The following CACNA1A variants were observed in gnomAD, a reference collection of about 807,000 sequenced individuals.
CACNA1A encodes calcium voltage-gated channel subunit alpha1 A.
In CACNA1A, 57 loss-of-function variants were observed where a neutral mutation model predicts 262.4. That is an observed-to-expected ratio of 0.22 (90% CI 0.18 to 0.27). The LOEUF is 0.27. Among genes scored for constraint, CACNA1A ranks in the 10% least tolerant of loss-of-function variants. CACNA1A has a pLI of 1.00. For synonymous variants in CACNA1A, 1,431 were observed against 1,419.3 expected (o/e 1.01, Z -0.18); for missense variants, 2,526 against 3,562.8 (o/e 0.71, Z 7.41).
chr19:13,352,107 C>T (rs944275617), intron 6 of CACNA1A, among the ~76,000 whole-genome samples: 8 of 152,290 alleles, frequency 5.3e-5, no homozygotes, highest in Admixed American at 3.3e-4. Context: ...CCGAGACCTT[C>T]TTCTTTCTCC....
At position 13,332,954 on chromosome 19, in the gene CACNA1A, C is replaced by T. The variant is rs769855881; in HGVS notation, c.1199-29G>A. Reference sequence around the variant, plus strand: ...AAGAGGAAGAGCACAGAGTTAAGCTCCTGCATTTGGAGGATGAGTTCTCCC... The same window carrying T: ...AAGAGGAAGAGCACAGAGTTAAGCTTCTGCATTTGGAGGATGAGTTCTCCC... On this transcript the variant is annotated intron_variant, in intron 8 of 46. Coordinates refer to ENST00000360228, the MANE Select transcript of CACNA1A (RefSeq NM_001127222.2). The T allele has an allele frequency of 1.9e-6, 3 of 1,591,932 alleles. No individual in the cohort carries two copies. The African/African-American group carries it at 4.0e-5, about 21-fold the overall frequency.
chr19:13,281,943 C>G (rs905537210), intron 22 of CACNA1A, among the ~76,000 whole-genome samples: 7 of 152,222 alleles, frequency 4.6e-5, no homozygotes, highest in Non-Finnish European at 1.0e-4. Flanking sequence ...CCCTCCCTGC[C>G]GAAGGCAACG....
In CACNA1A at chr19:13,299,248, G is replaced by C; in HGVS notation, c.2385C>G (p.Asn795Lys). 6.2e-7 allele frequency: 1 copy of C among 1,608,582 alleles called. No homozygotes were observed. Among genetic ancestry groups the C allele is most frequent in the Non-Finnish European group, 8.5e-7 (1 of 1,179,848 alleles). ...NLLASREALY[N>K]EMDPDERWKA... ...TCCAGCGCTCGTCCGGGTCCATTTC[G>C]TTATACAGGGCCTCCCGGCTGGCCA... Residue 795 changes from asparagine to lysine, a missense_variant, in exon 19 of 47, where the codon AAC becomes AAG. Asn to Lys is a moderately conservative substitution (Grantham distance 94). This residue lies in a region of CACNA1A where 765 missense variants were observed against 748.6 expected (regional missense o/e 1.02). Coordinates refer to ENST00000360228, the MANE Select transcript of CACNA1A (RefSeq NM_001127222.2).
chr19:13,219,562 G>C (rs895265332), intron 38 of CACNA1A, among the ~76,000 whole-genome samples: 23 of 152,138 alleles, frequency 1.5e-4, no homozygotes, highest in African/African-American at 5.3e-4. Flanking sequence ...AACTGTGGTA[G>C]GCAGAATTCA....
intron 3 of CACNA1A, among the ~76,000 whole-genome samples, chr19:13,401,429 C>T (rs1197678373): frequency 6.6e-6 from 1 of 152,160 alleles, no homozygotes; most frequent in African/African-American, 2.4e-5. Context: ...TACGACAGTG[C>T]CTGATACATA....
intron 9 of CACNA1A, among the ~76,000 whole-genome samples, chr19:13,330,830 T>C (rs2145117634): frequency 6.6e-6 from 1 of 152,270 alleles, no homozygotes; most frequent in African/African-American, 2.4e-5. Context: ...CTCAAGTGAT[T>C]TGCCTGCCTT....
In CACNA1A at chr19:13,214,507, G is replaced by A; in HGVS notation, c.5833C>T (p.His1945Tyr). The A allele has an allele frequency of 6.2e-7, 1 of 1,612,346 alleles. No individual in the cohort carries two copies. Among genetic ancestry groups the A allele is most frequent in the Middle Eastern group, 1.7e-4 (1 of 6,058 alleles). ...QKTLDLLVTP[H>Y]KSTDLTVGKI... ...GGCTGGGCTCAGCTCTTACACTTGT[G>A]AGGTGTGACCAGCAGGTCTAGCGTC... Residue 1945 changes from histidine (H) to tyrosine (Y), a missense_variant, in exon 39 of 47, where the codon CAC becomes TAC. Transcript: ENST00000360228. The surrounding 1 kb of genome is among the most constrained non-coding windows in gnomAD (Gnocchi z 4.1).
At chr19:13,391,316 G>A (rs931736317) in intron 3 of CACNA1A, among the ~76,000 whole-genome samples, 1 of 152,070 alleles carries the variant, frequency 6.6e-6, no homozygotes, top group African/African-American at 2.4e-5. Flanking sequence ...CTATTCTCCA[G>A]CATTTTTTTT....
chr19:13,413,895 A>AGAAAGAAAGAGAGAAAG (rs1555783333), intron 3 of CACNA1A, among the ~76,000 whole-genome samples: 5 of 119,136 alleles, frequency 4.2e-5, no homozygotes, highest in African/African-American at 1.6e-4. Flanking sequence ...GAAAGAAAGA[A>AGAAAGAAAGAGAGAAAG]AAAGAAAGAA....
chr19:13,427,238 G>A (rs2060417860), intron 3 of CACNA1A, among the ~76,000 whole-genome samples: 1 of 151,950 alleles, frequency 6.6e-6, no homozygotes, highest in African/African-American at 2.4e-5. Context: ...GATCACCTGA[G>A]GTCAGGAGTT....
chr19:13,310,910 C>A (rs2058021885), intron 12 of CACNA1A, among the ~76,000 whole-genome samples: 1 of 151,948 alleles, frequency 6.6e-6, no homozygotes, highest in Non-Finnish European at 1.5e-5. Flanking sequence ...CCTTCCTCAG[C>A]CTCCCAAGTA....
chr19:13,455,909 A>G (rs966242421), intron 1 of CACNA1A, among the ~76,000 whole-genome samples: 3 of 151,014 alleles, frequency 2.0e-5, no homozygotes, highest in Non-Finnish European at 4.4e-5. Context: ...AAAAATAGAT[A>G]GAGGCTGCGG....
Position 13,336,565 on chromosome 19 carries a change from GAGAGAGAA to G in CACNA1A, c.979-664_979-657del, listed in dbSNP as rs2058568368. On this transcript the variant is annotated intron_variant, in intron 6 of 46. Coordinates refer to ENST00000360228, the MANE Select transcript of CACNA1A (RefSeq NM_001127222.2). ...ATCAAGGAGAGGAGGTTGGGGGGTG[GAGAGAGAA>G]AGAGAGACAGAGAGAGAGAGGGAGA... 2.0e-5 allele frequency among the ~76,000 whole-genome samples: 3 copies of G among 148,128 alleles called. No homozygotes were observed. In the South Asian group the frequency reaches 6.7e-4, roughly 33 times the overall value.
At chr19:13,260,988 T>G (rs77264085) in intron 26 of CACNA1A, 2,027 of 153,724 alleles carry the variant, frequency 0.013, 23 homozygotes, top group Middle Eastern at 0.05. Flanking sequence ...CCTGATCTGA[T>G]TGGACATGAA....
In CACNA1A at chr19:13,477,788, C is replaced by G. The variant is rs549511760; in HGVS notation, c.294-22576G>C. On this transcript the variant is annotated intron_variant, in intron 1 of 46. Coordinates refer to ENST00000360228, the MANE Select transcript of CACNA1A (RefSeq NM_001127222.2). The stretch of plus-strand genomic sequence containing the variant: ...CCTCTGAGTAACACAGTGTGACATG[C>G]CTTCAACTATGATCTGAATGTTCTA... Among the ~76,000 whole-genome samples the G allele has an allele frequency of 8.5e-4, 130 of 152,316 alleles. 1 individual carries two copies. Among genetic ancestry groups the G allele is most frequent in the Non-Finnish European group, 1.1e-3 (76 of 68,028 alleles).
intron 3 of CACNA1A, 110 bp from the exon 4 acceptor site, chr19:13,371,889 G>A (rs1229638555): frequency 6.4e-6 from 5 of 776,098 alleles, no homozygotes; most frequent in Non-Finnish European, 1.1e-5. Context: ...GGTGACCACA[G>A]GCAGGTGACT....
chr19:13,213,055 T>G (rs1475082317), intron 40 of CACNA1A, among the ~76,000 whole-genome samples: 22 of 151,998 alleles, frequency 1.4e-4, no homozygotes. Context: ...TTGAGTCAGG[T>G]CCTATCCCTC....
chr19:13,476,240 G>A (rs1418185239), intron 1 of CACNA1A, among the ~76,000 whole-genome samples: 2 of 152,158 alleles, frequency 1.3e-5, no homozygotes, highest in Admixed American at 1.3e-4. Context: ...TGGTTCTTCT[G>A]ATCATTCCTC....
Position 13,306,678 on chromosome 19 carries a change from C to G in CACNA1A, c.1986+1104G>C, listed in dbSNP as rs534464506. 184 of 152,602 alleles carry G rather than the reference C, an allele frequency of 1.2e-3. 1 individual carries two copies. The highest frequency in any genetic ancestry group is 2.0e-3 in the Non-Finnish European group (138 of 68,348). The allele number at this position is 152,602 out of a possible 1,614,324, so 9.5% of individuals were successfully genotyped here. A position where few individuals can be genotyped will look rare whatever the true frequency, so the allele number is the denominator to read the frequency against. On this transcript the variant is annotated intron_variant, in intron 15 of 46. Transcript: ENST00000360228. The stretch of plus-strand genomic sequence containing the variant: ...CAAACCAAACAATATCCCAACCAGC[C>G]CATATCCCAACCACCTCCTTTATCT...
Sources: allele counts gnomAD v4.1 joint callset (sites outside exome capture counted in the v4.1 genomes callset), GRCh38; gene constraint gnomAD v4.1.1; regional missense constraint gnomAD v4.1.1; non-coding constraint Gnocchi (gnomAD v3.1); transcripts MANE v1.5; gene names NCBI Gene and HGNC (gene_info 2026-07-23, HGNC 2026-07-21).